NAALADL2: variants seen among roughly 807,000 people sequenced by gnomAD.
NAALADL2 encodes inactive N-acetylated-alpha-linked acidic dipeptidase-like protein 2.
A neutral mutation model predicts 87.2 loss-of-function variants in NAALADL2; 76 were observed. The ratio of observed to expected loss-of-function variants is 0.87; its 90% CI spans 0.72 to 1.05. The LOEUF is 1.05. Ranked by LOEUF, NAALADL2 falls within the 50% of genes least tolerant of loss-of-function variation. The pLI, the probability that NAALADL2 is intolerant of heterozygous loss-of-function variation, is 0.00. For synonymous variants in NAALADL2, 354 were observed against 331.0 expected, an observed-to-expected ratio of 1.07 and a Z score of -0.75; for missense variants, 1,089 against 945.8, an observed-to-expected ratio of 1.15 and a Z score of -1.99.
At chr3:174,527,553 T>A (rs1447239852) in intron 1 of NAALADL2, among the ~76,000 whole-genome samples, 1 of 152,030 alleles carries the variant, frequency 6.6e-6, no homozygotes, top group Non-Finnish European at 1.5e-5. Flanking sequence ...TTTATTTTTC[T>A]TTTTAAGTGT....
intron 3 of NAALADL2, among the ~76,000 whole-genome samples, chr3:174,809,313 G>A (rs1399805): frequency 0.75 from 113,353 of 152,054 alleles, 42,854 homozygotes; most frequent in African/African-American, 0.88. Flanking sequence ...AGCTTTTACT[G>A]AAAGGAACCA....
intron 1 of NAALADL2, among the ~76,000 whole-genome samples, chr3:174,534,491 C>T (rs935989045): frequency 1.3e-5 from 2 of 152,328 alleles, no homozygotes; most frequent in East Asian, 1.9e-4. Context: ...GCCATCCTCA[C>T]GATGTTGGCT....
At chr3:175,093,429 T>TATATATATATATATATAA (rs1553771435) in intron 1 of NAALADL2, among the ~76,000 whole-genome samples, 1 of 146,112 alleles carries the variant, frequency 6.8e-6, no homozygotes, top group Non-Finnish European at 1.5e-5. Flanking sequence ...TATATATATA[T>TATATATATATATATATAA]ATATGTTTTA....
chr3:174,988,613 C>T (rs1746297222), intron 1 of NAALADL2, among the ~76,000 whole-genome samples: 1 of 152,168 alleles, frequency 6.6e-6, no homozygotes, highest in African/African-American at 2.4e-5. Flanking sequence ...CATATTCCCT[C>T]TGAAGGCACT....
chr3:174,772,232 TCTAC>T (rs1282833472), intron 3 of NAALADL2, among the ~76,000 whole-genome samples: 1 of 152,246 alleles, frequency 6.6e-6, no homozygotes, highest in Non-Finnish European at 1.5e-5. Flanking sequence ...ACTCTCTGTT[TCTAC>T]CTAAATGACT....
At chr3:174,819,653 G>A (rs189050637) in intron 3 of NAALADL2, among the ~76,000 whole-genome samples, 14 of 152,086 alleles carry the variant, frequency 9.2e-5, no homozygotes, top group African/African-American at 3.1e-4. Flanking sequence ...GTTCTTGATT[G>A]CAAGTTCTTT....
At chr3:175,449,826 A>C (rs192694090) in intron 6 of NAALADL2, among the ~76,000 whole-genome samples, 2 of 152,234 alleles carry the variant, frequency 1.3e-5, no homozygotes, top group Non-Finnish European at 2.9e-5. Context: ...ATGTTAAAGC[A>C]AGAAAGATAG....
rs547156535 is a variant in NAALADL2 at position 175,132,007 on chromosome 3, C to A, written c.545+34716C>A. ...TGGCCGGGAGGGGGACTGACCCCCC[C>A]ACCTCCCTCCCGGACGGGGCGGCTG... is the stretch of plus-strand genomic sequence containing the variant. On this transcript the variant is annotated intron_variant, in intron 2 of 13. Transcript: ENST00000454872. 8.2e-4 allele frequency among the ~76,000 whole-genome samples: 103 copies of A among 125,508 alleles called. 7 individuals carry two copies. The highest frequency in any genetic ancestry group is 3.2e-3 in the African/African-American group (102 of 31,728). 82.3% of individuals were successfully genotyped at this position (125,508 alleles called of 152,430 possible). A position where few individuals can be genotyped will look rare whatever the true frequency, so the allele number is the denominator to read the frequency against.
chr3:174,739,767 C>T, intron 3 of NAALADL2, among the ~76,000 whole-genome samples: 1 of 151,964 alleles, frequency 6.6e-6, no homozygotes, highest in East Asian at 1.9e-4. Flanking sequence ...GCCAAGCCAA[C>T]CAGGAGAATT....
Position 175,560,099 on chromosome 3 carries a change from A to T in NAALADL2, c.1654-15942A>T, listed in dbSNP as rs540351289. ...TTCTTTGCAGGGACATTTTTTTATT[A>T]CAGTTTTGATGTCTTTACTTGTTAT... On this transcript the variant is annotated intron_variant, in intron 9 of 13. Coordinates refer to ENST00000454872, the MANE Select transcript of NAALADL2 (RefSeq NM_207015.3). Among the ~76,000 whole-genome samples the T allele has an allele frequency of 3.9e-5, 6 of 152,140 alleles. No homozygotes were observed. In the South Asian group the frequency reaches 1.0e-3, roughly 26 times the overall value.
chr3:174,783,447 T>C (rs1484576217), intron 3 of NAALADL2, among the ~76,000 whole-genome samples: 5 of 152,146 alleles, frequency 3.3e-5, no homozygotes, highest in Admixed American at 2.0e-4. Flanking sequence ...AGAATATTTA[T>C]AGTGAAATTC....
At chr3:175,469,267 T>C (rs927251225) in intron 8 of NAALADL2, among the ~76,000 whole-genome samples, 1 of 152,110 alleles carries the variant, frequency 6.6e-6, no homozygotes. Context: ...AAACATCCTA[T>C]TGAAGACAAA....
In NAALADL2 at chr3:175,730,918, C is replaced by T. The variant is rs576321012; in HGVS notation, c.1897-6388C>T. 8.6e-5 allele frequency among the ~76,000 whole-genome samples: 13 copies of T among 152,042 alleles called. No individual in the cohort carries two copies. The East Asian group carries it at 2.5e-3, about 30-fold the overall frequency. On this transcript the variant is annotated intron_variant, in intron 11 of 13. Coordinates refer to ENST00000454872, the MANE Select transcript of NAALADL2 (RefSeq NM_207015.3). ...AATAGTTATTTACTTATGCTATGTG[C>T]CACAGGTATGCAAATATCATAGATG...
intron 11 of NAALADL2, among the ~76,000 whole-genome samples, chr3:175,655,782 G>T (rs1215867160): frequency 2.6e-5 from 4 of 152,112 alleles, no homozygotes; most frequent in African/African-American, 9.7e-5. Context: ...TATTGCTTTA[G>T]ACTACCGTTA....
At chr3:174,826,672 T>A (rs2109351373) in intron 3 of NAALADL2, among the ~76,000 whole-genome samples, 1 of 152,352 alleles carries the variant, frequency 6.6e-6, no homozygotes, top group South Asian at 2.1e-4. Context: ...ATAAAATAGT[T>A]CTGACTTCCT....
chr3:175,238,658 C>G (rs6443294), intron 3 of NAALADL2, among the ~76,000 whole-genome samples: 131,410 of 152,100 alleles, frequency 0.86, 57,060 homozygotes, highest in Middle Eastern at 0.93. Context: ...TATGCATATA[C>G]AATACCTGCA....
At chr3:174,810,273 C>T (rs2109291607) in intron 3 of NAALADL2, among the ~76,000 whole-genome samples, 1 of 152,082 alleles carries the variant, frequency 6.6e-6, no homozygotes, top group African/African-American at 2.4e-5. Context: ...TTGGAGGTCT[C>T]AGAAGACAAG....
chr3:175,420,503 G>T (rs945773502), intron 5 of NAALADL2, among the ~76,000 whole-genome samples: 7 of 151,918 alleles, frequency 4.6e-5, no homozygotes, highest in African/African-American at 1.4e-4. Flanking sequence ...TTTCAATTTG[G>T]AGTTTCCTTT....
intron 3 of NAALADL2, among the ~76,000 whole-genome samples, chr3:174,844,905 G>C (rs1309255916): frequency 7.0e-6 from 1 of 143,148 alleles, no homozygotes; most frequent in African/African-American, 2.7e-5. Context: ...CTCTGCAGGG[G>C]TATGAAGCCT....
Sources: gnomAD v4.1 joint callset for allele counts (sites outside exome capture counted in the v4.1 genomes callset) on GRCh38, gnomAD v4.1.1 for gene constraint, MANE v1.5 for transcripts, NCBI Gene and HGNC (gene_info 2026-07-23, HGNC 2026-07-21) for gene names.